Variants in FAF1 observed in about 807,000 individuals in gnomAD.
The protein encoded by FAF1 is Fas associated factor 1, also known as FAS-associated factor 1.
Under a neutral mutation model 92.5 loss-of-function variants are expected in FAF1, and 25 were observed. The ratio of observed to expected loss-of-function variants is 0.27; its 90% CI spans 0.20 to 0.38. FAF1 has a LOEUF of 0.38. FAF1 is among the 10% of genes least tolerant of loss of function. The pLI, the probability that FAF1 is intolerant of heterozygous loss-of-function variation, is 1.00. For missense variants in FAF1, 636 were observed against 793.3 expected, an observed-to-expected ratio of 0.80 and a Z score of 2.38; for synonymous variants, 234 against 273.2, an observed-to-expected ratio of 0.86 and a Z score of 1.42.
chr1:50,473,839 A>C lies in FAF1; in HGVS notation c.1869+1625T>G, dbSNP rs184047438. Among the ~76,000 whole-genome samples the C allele has an allele frequency of 3.6e-4, 55 of 152,256 alleles. 4 individuals carry two copies. Among genetic ancestry groups the C allele is most frequent in the African/African-American group, 1.3e-3 (54 of 41,542 alleles). Reference sequence around the variant, plus strand: ...ACTAGTTTCTGTCTCTATCCTGCAAACCTGACAGCCAATGTGAGGGACTTA... The same window carrying C: ...ACTAGTTTCTGTCTCTATCCTGCAACCCTGACAGCCAATGTGAGGGACTTA... On this transcript the variant is annotated intron_variant, in intron 18 of 18. Coordinates refer to ENST00000396153, the MANE Select transcript of FAF1 (RefSeq NM_007051.3).
At chr1:50,521,159 T>G (rs1647482013) in intron 15 of FAF1, among the ~76,000 whole-genome samples, 1 of 152,150 alleles carries the variant, frequency 6.6e-6, no homozygotes, top group Non-Finnish European at 1.5e-5. Context: ...CTCACATACT[T>G]ATTGCTTTTT....
intron 1 of FAF1, among the ~76,000 whole-genome samples, chr1:50,937,671 T>A (rs114451631): frequency 0.01 from 1,562 of 152,320 alleles, 25 homozygotes; most frequent in African/African-American, 0.035. Flanking sequence ...AAGTACTACA[T>A]GAGTATACCC....
Position 50,491,819 on chromosome 1 carries a change from A to G in FAF1, c.1495-18T>C. ...CGTTCATCCTTAAAGAAAAAGATTC[A>G]AATATTTTTTGACATATAACTTTTT... On this transcript the variant is annotated intron_variant, in intron 15 of 18. Coordinates refer to ENST00000396153, the MANE Select transcript of FAF1 (RefSeq NM_007051.3). 6.3e-7 allele frequency: 1 copy of G among 1,585,956 alleles called. No homozygotes were observed.
chr1:50,845,741 G>A (rs987137032), intron 2 of FAF1, among the ~76,000 whole-genome samples: 15 of 151,984 alleles, frequency 9.9e-5, no homozygotes, highest in Non-Finnish European at 1.0e-4. Context: ...CCTTCCTTGG[G>A]ACAATTTCTT....
chr1:50,628,419 C>A (rs921912283), intron 8 of FAF1, among the ~76,000 whole-genome samples: 2 of 152,148 alleles, frequency 1.3e-5, no homozygotes, highest in African/African-American at 4.8e-5. Flanking sequence ...GTATAAGGAG[C>A]TCCCAAGTTT....
chr1:50,445,786 C>T (rs559153232), intron 18 of FAF1, among the ~76,000 whole-genome samples: 5 of 152,212 alleles, frequency 3.3e-5, no homozygotes, highest in African/African-American at 1.2e-4. Context: ...GGAAAGTCAA[C>T]CATCTTGACA....
intron 14 of FAF1, among the ~76,000 whole-genome samples, chr1:50,537,570 A>G (rs1392847355): frequency 6.6e-6 from 1 of 152,182 alleles, no homozygotes; most frequent in Non-Finnish European, 1.5e-5. Context: ...TTTAAAATAA[A>G]TTTATCAATC....
chr1:50,943,457 T>C (rs1337556791), intron 1 of FAF1, among the ~76,000 whole-genome samples: 4 of 152,188 alleles, frequency 2.6e-5, no homozygotes, highest in Non-Finnish European at 4.4e-5. Context: ...GACTCTGCCT[T>C]GGCTCACAAG....
At chr1:50,521,351 G>A (rs1428455399) in intron 15 of FAF1, among the ~76,000 whole-genome samples, 1 of 152,114 alleles carries the variant, frequency 6.6e-6, no homozygotes, top group African/African-American at 2.4e-5. Flanking sequence ...GAATATGACT[G>A]TCTCCAAACA....
chr1:50,642,593 G>C (rs1375236706), intron 8 of FAF1, among the ~76,000 whole-genome samples: 1 of 151,916 alleles, frequency 6.6e-6, no homozygotes, highest in African/African-American at 2.4e-5. Context: ...AGGTTGCAGT[G>C]AGCCAAGATC....
intron 8 of FAF1, chr1:50,607,001 A>AAAAC (rs539491550): frequency 6.6e-6 from 1 of 152,178 alleles, no homozygotes; most frequent in Non-Finnish European, 1.5e-5. Context: ...AACAACAACA[A>AAAAC]AAACAAACAA....
At chr1:50,554,707 A>G (rs186858715) in intron 13 of FAF1, among the ~76,000 whole-genome samples, 1 of 152,208 alleles carries the variant, frequency 6.6e-6, no homozygotes, top group East Asian at 1.9e-4. Flanking sequence ...AACCTCACCA[A>G]AATTTATTTT....
intron 13 of FAF1, among the ~76,000 whole-genome samples, chr1:50,554,340 T>C (rs1342621273): frequency 1.4e-5 from 2 of 144,682 alleles, no homozygotes; most frequent in African/African-American, 5.2e-5. Context: ...CCCTGCAGAA[T>C]TGTGGAAAAG....
At chr1:50,888,812 G>A (rs970642463) in intron 1 of FAF1, among the ~76,000 whole-genome samples, 5 of 152,096 alleles carry the variant, frequency 3.3e-5, no homozygotes, top group African/African-American at 1.2e-4. Context: ...CAGGGATATT[G>A]GTCTAAAATT....
intron 2 of FAF1, among the ~76,000 whole-genome samples, chr1:50,807,555 T>C (rs1662256913): frequency 6.6e-6 from 1 of 151,762 alleles, no homozygotes; most frequent in South Asian, 2.1e-4. Flanking sequence ...TCCCACCAGG[T>C]CCCTCCCCCA....
chr1:50,627,762 T>A (rs1413163643), intron 8 of FAF1, among the ~76,000 whole-genome samples: 1 of 152,192 alleles, frequency 6.6e-6, no homozygotes, highest in Non-Finnish European at 1.5e-5. Flanking sequence ...TACATGGCAG[T>A]ATTTACTTTT....
At chr1:50,694,651 G>C (rs1232207784) in intron 7 of FAF1, among the ~76,000 whole-genome samples, 2 of 151,628 alleles carry the variant, frequency 1.3e-5, no homozygotes, top group African/African-American at 4.8e-5. Flanking sequence ...CCTACAAAAA[G>C]TTATGGCATG....
chr1:50,889,754 T>C (rs1351960744), intron 1 of FAF1, among the ~76,000 whole-genome samples: 1 of 152,228 alleles, frequency 6.6e-6, no homozygotes, highest in Admixed American at 6.5e-5. Context: ...TTCTGTTCTT[T>C]TACATTTGCT....
chr1:50,910,511 C>CT (rs1158465151), intron 1 of FAF1, among the ~76,000 whole-genome samples: 3 of 152,178 alleles, frequency 2.0e-5, no homozygotes, highest in Non-Finnish European at 4.4e-5. Context: ...AGGCAGGCCT[C>CT]TTTGAGCTGC....
Sources: allele counts gnomAD v4.1 joint callset (sites outside exome capture counted in the v4.1 genomes callset), GRCh38; gene constraint gnomAD v4.1.1; transcripts MANE v1.5; gene names NCBI Gene and HGNC (gene_info 2026-07-23, HGNC 2026-07-21).